The following FAM124A variants were observed in gnomAD, a reference collection of about 807,000 sequenced individuals.
FAM124A encodes protein FAM124A.
In FAM124A, 23 loss-of-function variants were observed where a neutral mutation model predicts 24.5. The ratio of observed to expected loss-of-function variants is 0.94; its 90% confidence interval spans 0.68 to 1.33. The LOEUF is 1.33. Among genes scored for constraint, FAM124A ranks in the 40% most tolerant of loss-of-function variants. FAM124A has a pLI of 0.00. For synonymous variants in FAM124A, 287 were observed against 314.7 expected (o/e 0.91, Z 0.93); for missense variants, 623 against 722.8 (o/e 0.86, Z 1.58).
intron 3 of FAM124A, among the ~76,000 whole-genome samples, chr13:51,274,605 A>T (rs1485871259): frequency 2.6e-5 from 4 of 152,202 alleles, no homozygotes; most frequent in African/African-American, 7.2e-5. Context: ...TTTTCTGTTA[A>T]AATCAAATAA....
At position 51,240,832 on chromosome 13, in the gene FAM124A, A is replaced by T. The variant is rs540607024; in HGVS notation, c.100+9453A>T. Reference sequence around the variant, plus strand: ...AGACACAGTCCTGCTCTTCTCAGGGATCCCAATGCCTGCAGGGCTCAGCCC... The same window carrying T: ...AGACACAGTCCTGCTCTTCTCAGGGTTCCCAATGCCTGCAGGGCTCAGCCC... On this transcript the variant is annotated intron_variant, in intron 2 of 3. Transcript: ENST00000322475. Among the ~76,000 whole-genome samples the T allele has an allele frequency of 2.9e-4, 44 of 152,284 alleles. No individual in the cohort carries two copies. The South Asian group carries it at 8.1e-3, about 28-fold the overall frequency.
At chr13:51,280,135 C>T (rs1954921024) in intron 3 of FAM124A, among the ~76,000 whole-genome samples, 1 of 152,216 alleles carries the variant, frequency 6.6e-6, no homozygotes, top group Non-Finnish European at 1.5e-5. Context: ...TTATCCTGCT[C>T]AGCCAGGCCC....
chr13:51,237,752 T>C (rs1954450290), intron 2 of FAM124A, among the ~76,000 whole-genome samples: 1 of 151,930 alleles, frequency 6.6e-6, no homozygotes, highest in Admixed American at 6.6e-5. Context: ...AAGCTTTTAC[T>C]CAGTAGTATC....
At chr13:51,276,016 T>C (rs1374263239) in intron 3 of FAM124A, among the ~76,000 whole-genome samples, 5 of 152,198 alleles carry the variant, frequency 3.3e-5, no homozygotes, top group Admixed American at 6.5e-5. Context: ...TGTAAAGTCA[T>C]GGAGATACAA....
chr13:51,236,170 A>T (rs1382065766), intron 2 of FAM124A, among the ~76,000 whole-genome samples: 1 of 152,052 alleles, frequency 6.6e-6, no homozygotes, highest in Non-Finnish European at 1.5e-5. Context: ...GATCACTCTT[A>T]TTGAGAGAAA....
intron 1 of FAM124A, among the ~76,000 whole-genome samples, chr13:51,223,515 A>C (rs1292035861): frequency 6.6e-6 from 1 of 152,006 alleles, no homozygotes; most frequent in Admixed American, 6.6e-5. Flanking sequence ...AAGGTCGGAG[A>C]GGTTTTAGAC....
chr13:51,243,175 A>C (rs1954518546), intron 2 of FAM124A, among the ~76,000 whole-genome samples: 1 of 152,240 alleles, frequency 6.6e-6, no homozygotes, highest in Non-Finnish European at 1.5e-5. Flanking sequence ...TTCACAGCCC[A>C]AAATTGCAGG....
intron 2 of FAM124A, among the ~76,000 whole-genome samples, chr13:51,233,685 A>G (rs2137651819): frequency 6.6e-6 from 1 of 152,330 alleles, no homozygotes; most frequent in Middle Eastern, 3.4e-3. Context: ...CCCCTTGAGC[A>G]GTCAGTGAAG....
At chr13:51,261,236 A>G (rs1954733702) in intron 3 of FAM124A, among the ~76,000 whole-genome samples, 1 of 152,158 alleles carries the variant, frequency 6.6e-6, no homozygotes, top group South Asian at 2.1e-4. Context: ...TGGGGGAAGG[A>G]AGACACCTGC....
intron 1 of FAM124A, among the ~76,000 whole-genome samples, chr13:51,223,468 C>G (rs543988903): frequency 4.3e-4 from 65 of 152,146 alleles, no homozygotes; most frequent in African/African-American, 1.3e-3. Flanking sequence ...TGGGGGAGGG[C>G]GGGAGCTGCC....
intron 3 of FAM124A, among the ~76,000 whole-genome samples, chr13:51,273,403 AG>A (rs1289196700): frequency 6.6e-6 from 1 of 152,222 alleles, no homozygotes; most frequent in African/African-American, 2.4e-5. Flanking sequence ...TGAATCTCCA[AG>A]ATTCCAGTCA....
At position 51,278,186 on chromosome 13, in the gene FAM124A, C is replaced by T. The variant is rs547352423; in HGVS notation, c.835-2264C>T. Among the ~76,000 whole-genome samples the T allele has an allele frequency of 1.7e-4, 26 of 152,286 alleles. No homozygotes were observed. The South Asian group carries it at 5.0e-3, about 29-fold the overall frequency. On this transcript the variant is annotated intron_variant, in intron 3 of 3. Transcript: ENST00000322475. ...TGGAGCAGCTCAGGAGGGCAGCCTC[C>T]AAGAGCTGAAAGCCAGGGGGAGGCT...
chr13:51,281,313 C>A lies in FAM124A; in HGVS notation c.*57C>A. ...AACTCAGAGACACAGACTCAGGCCC[C>A]ACTGCCCCTCTGGCCACTGAGCACA... On this transcript the variant is annotated 3_prime_UTR_variant, in exon 4 of 4. Transcript: ENST00000322475. The A allele has an allele frequency of 6.8e-7, 1 of 1,475,548 alleles. No individual in the cohort carries two copies. Among genetic ancestry groups the A allele is most frequent in the Non-Finnish European group, 9.0e-7 (1 of 1,107,962 alleles). 91.4% of individuals were successfully genotyped at this position (1,475,548 alleles called of 1,614,324 possible). A position where few individuals can be genotyped will look rare whatever the true frequency, so the allele number is the denominator to read the frequency against.
At chr13:51,267,328 A>G (rs1369662533) in intron 3 of FAM124A, among the ~76,000 whole-genome samples, 1 of 152,242 alleles carries the variant, frequency 6.6e-6, no homozygotes, top group Non-Finnish European at 1.5e-5. Context: ...TATACAAAAT[A>G]TATAGGATTT....
chr13:51,266,485 C>A (rs1267654259), intron 3 of FAM124A, among the ~76,000 whole-genome samples: 1 of 152,124 alleles, frequency 6.6e-6, no homozygotes, highest in African/African-American at 2.4e-5. Context: ...TTGTTTATGG[C>A]AGAACTTGAC....
At chr13:51,276,028 C>T (rs1388010558) in intron 3 of FAM124A, among the ~76,000 whole-genome samples, 1 of 152,192 alleles carries the variant, frequency 6.6e-6, no homozygotes, top group Non-Finnish European at 1.5e-5. Flanking sequence ...GAGATACAAA[C>T]GAGCATGAGG....
At position 51,251,625 on chromosome 13, in the gene FAM124A, G is replaced by A. The variant is rs1206744289; in HGVS notation, c.258G>A (p.Ala86=). 2 of 1,562,988 alleles carry A rather than the reference G, an allele frequency of 1.3e-6. No individual in the cohort carries two copies. Among genetic ancestry groups the A allele is most frequent in the South Asian group, 1.2e-5 (1 of 82,868 alleles). The change falls in exon 3 of 4, where the codon GCG becomes GCA. Residue 86 remains alanine, a synonymous_variant. Transcript: ENST00000322475. The surrounding 1 kb of genome is among the most constrained non-coding windows in gnomAD (Gnocchi z 5.3). ...TGTTCCGGGTGTCCGAGAGGCGGGCGTCCCGGCGGCGGCGGAAGCCCCCCA... is the reference window on the plus strand; with the variant it reads ...TGTTCCGGGTGTCCGAGAGGCGGGCATCCCGGCGGCGGCGGAAGCCCCCCA... ...LPLFRVSERR[A]SRRRRKPPKG...
rs918311844 is a variant in FAM124A, at chr13:51,245,455, A to G, written c.101-6013A>G. ...TCTATTGGCGCAGCTTCCGGCATTC[A>G]TCTGTGCAAGCTTCCAGCTTGCTTA... On this transcript the variant is annotated intron_variant, in intron 2 of 3. Transcript: ENST00000322475. 4 of 598,876 alleles carry G rather than the reference A, an allele frequency of 6.7e-6. No homozygotes were observed. The East Asian group carries it at 1.2e-4, about 18-fold the overall frequency. The allele number at this position is 598,876 out of a possible 1,614,324, so 37.1% of individuals were successfully genotyped here.
At chr13:51,225,088 T>C (rs1954303175) in intron 1 of FAM124A, 1 of 152,200 alleles carries the variant, frequency 6.6e-6, no homozygotes. Flanking sequence ...CTTTGTGAAT[T>C]TGTATGAGAA....
Sources: gnomAD v4.1 joint callset for allele counts (sites outside exome capture counted in the v4.1 genomes callset) on GRCh38, gnomAD v4.1.1 for gene constraint, Gnocchi (gnomAD v3.1) non-coding constraint, MANE v1.5 for transcripts, NCBI Gene and HGNC (gene_info 2026-07-23, HGNC 2026-07-21) for gene names.